ATP9B: variants seen among roughly 807,000 people sequenced by gnomAD.
ATP9B encodes ATPase phospholipid transporting 9B.
In ATP9B, 110 loss-of-function variants were observed where a neutral mutation model predicts 146.1. That is an observed-to-expected ratio of 0.75 (90% confidence interval 0.65 to 0.88). ATP9B has a LOEUF of 0.88. ATP9B is among the 40% of genes least tolerant of loss of function. The pLI, the probability that ATP9B is intolerant of heterozygous loss-of-function variation, is 0.00. For missense variants in ATP9B, 1,499 were observed against 1,496.4 expected (o/e 1.00, Z -0.03); for synonymous variants, 604 against 569.7 (o/e 1.06, Z -0.86).
intron 26 of ATP9B, chr18:79,364,115 A>C (rs1466142872): frequency 6.6e-6 from 1 of 152,154 alleles, no homozygotes; most frequent in Admixed American, 6.5e-5. Flanking sequence ...AAAATACAAA[A>C]ATTAGCTGTG....
chr18:79,376,371 C>T (rs2097103392), intron 29 of ATP9B: 2 of 971,080 alleles, frequency 2.1e-6, no homozygotes, highest in South Asian at 4.8e-5. Context: ...TGTTTGGTGA[C>T]ATTAGTCATC....
At chr18:79,298,157 G>A (rs180893739) in intron 13 of ATP9B, among the ~76,000 whole-genome samples, 3 of 146,596 alleles carry the variant, frequency 2.0e-5, no homozygotes, top group African/African-American at 7.5e-5. Context: ...AAGAAATCGA[G>A]TTAAAATTAA....
chr18:79,100,180 T>C (rs1236060734), intron 2 of ATP9B, among the ~76,000 whole-genome samples: 1 of 152,194 alleles, frequency 6.6e-6, no homozygotes, highest in Non-Finnish European at 1.5e-5. Flanking sequence ...CGCTTTATGG[T>C]TCATCATATA....
intron 26 of ATP9B, among the ~76,000 whole-genome samples, chr18:79,370,595 T>C (rs1446771680): frequency 2.0e-5 from 3 of 152,266 alleles, no homozygotes; most frequent in Non-Finnish European, 4.4e-5. Context: ...AGCTACAGTC[T>C]GGGAGCCATT....
chr18:79,245,160 C>G (rs2095931387), intron 11 of ATP9B, among the ~76,000 whole-genome samples: 1 of 152,092 alleles, frequency 6.6e-6, no homozygotes, highest in Admixed American at 6.5e-5. Flanking sequence ...TTTATAACCC[C>G]CCTAAAGTCC....
intron 15 of ATP9B, among the ~76,000 whole-genome samples, chr18:79,315,718 T>C (rs1297598768): frequency 6.6e-6 from 1 of 152,248 alleles, no homozygotes; most frequent in Non-Finnish European, 1.5e-5. Context: ...TCATATGATA[T>C]TACTTCTGGC....
chr18:79,282,887 G>T (rs2096393485), intron 13 of ATP9B, among the ~76,000 whole-genome samples: 1 of 152,152 alleles, frequency 6.6e-6, no homozygotes, highest in South Asian at 2.1e-4. Context: ...CTGAGCAAAA[G>T]AAATGTGTTG....
Position 79,143,653 on chromosome 18 carries a change from T to TTAG in ATP9B, c.668-147_668-145dup, listed in dbSNP as rs1349193396. On this transcript the variant is annotated intron_variant, in intron 5 of 29. Transcript: ENST00000426216. ...GCAGTTTACTAAGAGAAGTTAATTA[T>TTAG]TAGTGACTGTCTGAAAGTACAAGTA... The TTAG allele has an allele frequency of 1.6e-5, 7 of 451,422 alleles. No individual in the cohort carries two copies. In the East Asian group the frequency reaches 2.4e-4, roughly 15 times the overall value. The allele number at this position is 451,422 out of a possible 1,614,324, so 28.0% of individuals were successfully genotyped here.
chr18:79,377,340 G>A lies in ATP9B; in HGVS notation c.3401G>A (p.Arg1134Lys), dbSNP rs1345864494. The A allele has an allele frequency of 6.2e-7, 1 of 1,611,294 alleles. No homozygotes were observed. The highest frequency in any genetic ancestry group is 8.5e-7 in the Non-Finnish European group (1 of 1,180,030). ...CLPLYVLKYL[R>K]RKLSPPSYCK... Reference sequence around the variant, plus strand: ...CCGCTGTATGTCCTCAAGTACCTGAGGCGCAAGCTCTCTCCTCCCAGCTAC... The same window carrying A: ...CCGCTGTATGTCCTCAAGTACCTGAAGCGCAAGCTCTCTCCTCCCAGCTAC... Residue 1134 changes from arginine (R) to lysine (K), a missense_variant, in exon 30 of 30, where the codon AGG (arginine) becomes AAG (lysine). By Grantham distance (26) the Arg-to-Lys change is conservative. Coordinates refer to ENST00000426216, the MANE Select transcript of ATP9B (RefSeq NM_198531.5).
chr18:79,245,908 CGCCCT>C, intron 11 of ATP9B, among the ~76,000 whole-genome samples: 1 of 143,140 alleles, frequency 7.0e-6, no homozygotes, highest in Non-Finnish European at 1.5e-5. Context: ...AGGAGGGCAC[CGCCCT>C]ACTGACTGTG....
At chr18:79,196,095 C>A (rs940916916) in intron 9 of ATP9B, among the ~76,000 whole-genome samples, 1 of 152,120 alleles carries the variant, frequency 6.6e-6, no homozygotes, top group Non-Finnish European at 1.5e-5. Flanking sequence ...TTGGAAGGGG[C>A]CAGGTTGGTG....
intron 12 of ATP9B, among the ~76,000 whole-genome samples, chr18:79,265,444 C>T (rs915265144): frequency 3.9e-5 from 6 of 152,042 alleles, no homozygotes; most frequent in African/African-American, 1.2e-4. Context: ...ACGCCTGGCC[C>T]GATGTTGAGC....
Position 79,122,327 on chromosome 18 carries a change from G to A in ATP9B, c.559-3940G>A, listed in dbSNP as rs555378073. On this transcript the variant is annotated intron_variant, in intron 4 of 29. Coordinates refer to ENST00000426216, the MANE Select transcript of ATP9B (RefSeq NM_198531.5). ...GTAGCAGTAAGTCTTCTCTTACGTG[G>A]GAATAGCTGCAGACAAGTATATTTC... Among the ~76,000 whole-genome samples, 30 of 152,104 alleles carry A rather than the reference G, an allele frequency of 2.0e-4. No individual in the cohort carries two copies. The South Asian group carries it at 6.2e-3, about 32-fold the overall frequency.
chr18:79,148,870 G>A (rs1339374012), intron 6 of ATP9B, among the ~76,000 whole-genome samples: 2 of 152,146 alleles, frequency 1.3e-5, no homozygotes, highest in African/African-American at 2.4e-5. Flanking sequence ...TCAACATCGT[G>A]TCAAGTTATA....
chr18:79,377,690 C>A lies in ATP9B; in HGVS notation c.*307C>A. ...CTGAGACAGCCTCTCCCTCTCAGTGCAGGGACGTCACCCCTGCCAGGCAAG... is the reference window on the plus strand; with the variant it reads ...CTGAGACAGCCTCTCCCTCTCAGTGAAGGGACGTCACCCCTGCCAGGCAAG... On this transcript the variant is annotated 3_prime_UTR_variant, in exon 30 of 30. Coordinates refer to ENST00000426216, the MANE Select transcript of ATP9B (RefSeq NM_198531.5). 2 of 360,864 alleles carry A rather than the reference C, an allele frequency of 5.5e-6. No homozygotes were observed. Among genetic ancestry groups the A allele is most frequent in the Non-Finnish European group, 1.0e-5 (2 of 191,740 alleles). 22.4% of individuals were successfully genotyped at this position (360,864 alleles called of 1,614,324 possible). A position where few individuals can be genotyped will look rare whatever the true frequency, so the allele number is the denominator to read the frequency against.
At position 79,330,041 on chromosome 18, in the gene ATP9B, C is replaced by T; in HGVS notation, c.1965C>T (p.Tyr655=). Residue 655 remains tyrosine (Y), a synonymous_variant, in exon 17 of 30, where the codon TAC becomes TAT. Coordinates refer to ENST00000426216, the MANE Select transcript of ATP9B (RefSeq NM_198531.5). ...RDESTAEITF[Y]MKGADVAMSP... ...AATCCACGGCAGAAATCACATTCTACATGAAGGGCGCTGACGTGGCCATGT... is the reference window on the plus strand; with the variant it reads ...AATCCACGGCAGAAATCACATTCTATATGAAGGGCGCTGACGTGGCCATGT... 6.2e-7 allele frequency: 1 copy of T among 1,614,152 alleles called. No homozygotes were observed. The highest frequency in any genetic ancestry group is 8.5e-7 in the Non-Finnish European group (1 of 1,180,000).
chr18:79,331,957 C>T (rs563031448), intron 17 of ATP9B, among the ~76,000 whole-genome samples: 1 of 152,272 alleles, frequency 6.6e-6, no homozygotes, highest in South Asian at 2.1e-4. Context: ...GCTCCAAACC[C>T]CACACAGATG....
chr18:79,234,657 G>T (rs917300146), intron 11 of ATP9B, among the ~76,000 whole-genome samples: 2 of 147,608 alleles, frequency 1.4e-5, no homozygotes, highest in Non-Finnish European at 3.0e-5. Flanking sequence ...CGTGCTTCGT[G>T]TGGGTGTGCT....
chr18:79,260,678 A>T (rs758327967), intron 12 of ATP9B, among the ~76,000 whole-genome samples: 8 of 152,236 alleles, frequency 5.3e-5, no homozygotes, highest in Non-Finnish European at 8.8e-5. Context: ...AGAATCTTAC[A>T]GGCAGGAAAC....
Sources: gnomAD v4.1 joint callset for allele counts (sites outside exome capture counted in the v4.1 genomes callset) on GRCh38, gnomAD v4.1.1 for gene constraint, MANE v1.5 for transcripts, NCBI Gene and HGNC (gene_info 2026-07-23, HGNC 2026-07-21) for gene names.